The following CUX2 variants were observed in gnomAD, a reference collection of about 807,000 sequenced individuals.
CUX2 encodes homeobox protein cut-like 2.
In CUX2, 40 loss-of-function variants were observed where a neutral mutation model predicts 144.8. The ratio of observed to expected loss-of-function variants is 0.28; its 90% CI spans 0.21 to 0.36. The LOEUF (loss-of-function observed/expected upper bound fraction) is 0.36. Ranked by LOEUF, CUX2 falls within the 10% of genes least tolerant of loss-of-function variation. The pLI is 1.00. For synonymous variants in CUX2, 827 were observed against 875.6 expected (o/e 0.94, Z 0.98); for missense variants, 1,615 against 1,994.0 (o/e 0.81, Z 3.62).
At position 111,348,475 on chromosome 12, in the gene CUX2, C is replaced by T; in HGVS notation, c.*150C>T. 3 of 775,908 alleles carry T rather than the reference C, an allele frequency of 3.9e-6. No individual in the cohort carries two copies. The South Asian group carries it at 5.5e-5, about 14-fold the overall frequency. 48.1% of individuals were successfully genotyped at this position (775,908 alleles called of 1,614,324 possible). On this transcript the variant is annotated 3_prime_UTR_variant, in exon 22 of 22. Coordinates refer to ENST00000261726, the MANE Select transcript of CUX2 (RefSeq NM_015267.4). ...GCCGTTTACGTTTTTTGTTGTAATC[C>T]TAGTTCTATGAAGCTGTGTGAGCAG...
At chr12:111,291,172 CTAT>C (rs1438249590) in intron 4 of CUX2, among the ~76,000 whole-genome samples, 11 of 152,096 alleles carry the variant, frequency 7.2e-5, no homozygotes, top group Non-Finnish European at 1.3e-4. Context: ...GCCTGGCCAA[CTAT>C]TATTATTGTT....
At chr12:111,208,292 G>T (rs1277003775) in intron 1 of CUX2, among the ~76,000 whole-genome samples, 1 of 152,014 alleles carries the variant, frequency 6.6e-6, no homozygotes, top group Non-Finnish European at 1.5e-5. Flanking sequence ...AAGATTGTGG[G>T]CACAGATAGG....
At position 111,348,753 on chromosome 12, in the gene CUX2, G is replaced by A. The variant is rs544488204; in HGVS notation, c.*428G>A. ...ATCAGGATGCTGTCACAACTGTTGC[G>A]AAGTATACACTGAAGTTGTGTCGTT... On this transcript the variant is annotated 3_prime_UTR_variant, in exon 22 of 22. Transcript: ENST00000261726. 7.3e-5 allele frequency: 12 copies of A among 164,574 alleles called. No individual in the cohort carries two copies. The highest frequency in any genetic ancestry group is 1.8e-4 in the East Asian group (1 of 5,618). 10.2% of individuals were successfully genotyped at this position (164,574 alleles called of 1,614,324 possible).
intron 3 of CUX2, among the ~76,000 whole-genome samples, chr12:111,249,961 C>A (rs1051071580): frequency 6.6e-6 from 1 of 152,144 alleles, no homozygotes; most frequent in Non-Finnish European, 1.5e-5. Context: ...ACGTGAGGGG[C>A]CACTCTTTGT....
intron 1 of CUX2, among the ~76,000 whole-genome samples, chr12:111,079,444 G>A (rs894953481): frequency 2.0e-5 from 3 of 152,094 alleles, no homozygotes; most frequent in Non-Finnish European, 4.4e-5. Context: ...AGGGGCAGTC[G>A]CTTGCCTGCA....
intron 10 of CUX2, among the ~76,000 whole-genome samples, chr12:111,305,167 A>G (rs1886511686): frequency 1.3e-5 from 2 of 152,154 alleles, no homozygotes; most frequent in South Asian, 4.1e-4. Flanking sequence ...AGCAGTCTCC[A>G]TCCTGGCTCT....
chr12:111,177,343 G>C (rs75858823), intron 1 of CUX2, among the ~76,000 whole-genome samples: 1 of 151,974 alleles, frequency 6.6e-6, no homozygotes, highest in African/African-American at 2.4e-5. Context: ...AGGTACCACC[G>C]GGACCAAGGG....
intron 1 of CUX2, among the ~76,000 whole-genome samples, chr12:111,070,058 G>A (rs1053597637): frequency 3.3e-5 from 5 of 152,152 alleles, no homozygotes; most frequent in African/African-American, 1.2e-4. Context: ...GCAGAGCTTG[G>A]CTGCCTTCCC....
chr12:111,345,963 A>G (rs1275918646), intron 21 of CUX2, among the ~76,000 whole-genome samples: 1 of 145,700 alleles, frequency 6.9e-6, no homozygotes, highest in African/African-American at 2.6e-5. Context: ...TGCAAAAATT[A>G]GCATGGTGAC....
rs1435897200 is a variant in CUX2, at chr12:111,320,573, AGGGCGCGACGGCCGAGGC to A, written c.2572_2589del (p.Thr858_Ala863del). 1 of 1,528,124 alleles carries A rather than the reference AGGGCGCGACGGCCGAGGC, an allele frequency of 6.5e-7. No homozygotes were observed. The highest frequency in any genetic ancestry group is 2.0e-5 in the Admixed American group (1 of 49,156). The allele number at this position is 1,528,124 out of a possible 1,614,324, so 94.7% of individuals were successfully genotyped here. On this transcript the variant is annotated inframe_deletion, in exon 17 of 22. Transcript: ENST00000261726. The surrounding 1 kb of genome is among the most constrained non-coding windows in gnomAD (Gnocchi z 8.1). Reference sequence around the variant, plus strand: ...CCCAGGACGGGCGAGCTCAAGGCTGAGGGCGCGACGGCCGAGGCGGGCGCGCGGCTGCCCTACTACCCG... The same window carrying A: ...CCCAGGACGGGCGAGCTCAAGGCTGAGGGCGCGCGGCTGCCCTACTACCCG...
chr12:111,271,501 G>A (rs1884646854), intron 4 of CUX2, among the ~76,000 whole-genome samples: 1 of 152,294 alleles, frequency 6.6e-6, no homozygotes, highest in South Asian at 2.1e-4. Flanking sequence ...TTGTATAGCT[G>A]TATTGTAATT....
chr12:111,305,821 C>T lies in CUX2; in HGVS notation c.859-1100C>T, dbSNP rs147354492. Among the ~76,000 whole-genome samples, 229 of 152,200 alleles carry T rather than the reference C, an allele frequency of 1.5e-3. 1 individual carries two copies. The highest frequency in any genetic ancestry group is 5.0e-3 in the African/African-American group (206 of 41,514). Reference sequence around the variant, plus strand: ...TGAGAGCATGTGGCTTCTTTGAGCACGCGCATGTCTGTTGTGTGTGATGAT... The same window carrying T: ...TGAGAGCATGTGGCTTCTTTGAGCATGCGCATGTCTGTTGTGTGTGATGAT... On this transcript the variant is annotated intron_variant, in intron 10 of 21. Transcript: ENST00000261726.
chr12:111,307,397 A>C lies in CUX2; in HGVS notation c.1109+140A>C. ...CTAACACTGTGGATATCAAACCTTAACCATCCTCAGGCCAGGTGCAGTGGC... is the reference window on the plus strand; with the variant it reads ...CTAACACTGTGGATATCAAACCTTACCCATCCTCAGGCCAGGTGCAGTGGC... On this transcript the variant is annotated intron_variant, in intron 12 of 21. Coordinates refer to ENST00000261726, the MANE Select transcript of CUX2 (RefSeq NM_015267.4). The surrounding 1 kb of genome is among the most constrained non-coding windows in gnomAD (Gnocchi z 4.1). 2.6e-6 allele frequency: 2 copies of C among 762,066 alleles called. No individual in the cohort carries two copies. Among genetic ancestry groups the C allele is most frequent in the Non-Finnish European group, 4.2e-6 (2 of 474,610 alleles). 47.2% of individuals were successfully genotyped at this position (762,066 alleles called of 1,614,324 possible).
chr12:111,052,009 C>T (rs1225169263), intron 1 of CUX2, among the ~76,000 whole-genome samples: 1 of 152,038 alleles, frequency 6.6e-6, no homozygotes, highest in African/African-American at 2.4e-5. Context: ...TTTTAATGGA[C>T]ACATTATAAT....
chr12:111,334,504 G>A lies in CUX2; in HGVS notation c.2990G>A (p.Ser997Asn), dbSNP rs775276450. ...PPPSPTEPEK[S>N]SQEPLSLSLE... is the part of the protein sequence containing the mutation. The stretch of plus-strand genomic sequence containing the variant: ...CCCAGCCCCACAGAGCCTGAGAAGA[G>A]CTCCCAGGAGCCGTTGAGCCTGTCC... The change falls in exon 19 of 22, where the codon AGC becomes AAC. Residue 997 changes from serine (S) to asparagine (N), a missense_variant. By Grantham distance (46) the Ser-to-Asn change is conservative (BLOSUM62 1). Coordinates refer to ENST00000261726, the MANE Select transcript of CUX2 (RefSeq NM_015267.4). 6.2e-7 allele frequency: 1 copy of A among 1,613,002 alleles called. No individual in the cohort carries two copies. Among genetic ancestry groups the A allele is most frequent in the Non-Finnish European group, 8.5e-7 (1 of 1,179,444 alleles).
In CUX2 at chr12:111,328,972, T is replaced by TCTCTCTCTCTCTCTCTCTCC. The variant is rs1198113973; in HGVS notation, c.2927-5466_2927-5465insTCTCTCTCTCTCTCTCCCTC. Among the ~76,000 whole-genome samples, 119 of 80,016 alleles carry TCTCTCTCTCTCTCTCTCTCC rather than the reference T, an allele frequency of 1.5e-3. 3 individuals are homozygous for TCTCTCTCTCTCTCTCTCTCC. In the East Asian group the frequency reaches 0.024, roughly 16 times the overall value. The allele number at this position is 80,016 out of a possible 152,430, so 52.5% of individuals were successfully genotyped here. ...CTCTCTCTCTCTCTCTCTCTCTCTCTCTCCCCCTCTCTCCCTCTCTCCCTC... is the reference window on the plus strand; with the variant it reads ...CTCTCTCTCTCTCTCTCTCTCTCTCTCTCTCTCTCTCTCTCTCTCCCTCCCCCTCTCTCCCTCTCTCCCTC... On this transcript the variant is annotated intron_variant, in intron 18 of 21. Transcript: ENST00000261726.
rs544797500 is a variant in CUX2, at chr12:111,230,505, T to C, written c.222+12568T>C. Among the ~76,000 whole-genome samples the C allele has an allele frequency of 4.7e-4, 72 of 152,222 alleles. 3 individuals carry two copies. Among genetic ancestry groups the C allele is most frequent in the Admixed American group, 4.3e-3 (65 of 15,292 alleles). On this transcript the variant is annotated intron_variant, in intron 3 of 21. Coordinates refer to ENST00000261726, the MANE Select transcript of CUX2 (RefSeq NM_015267.4). ...AGGTCCCCTGGTGATTATGGGCACA[T>C]GAAAGTTTGAGACACTCGACCTCAG...
rs34282526 is a variant in CUX2 at position 111,170,545 on chromosome 12, C to CTTTTT, written c.64-43633_64-43629dup. ...AGCTGGATGCACACCCCCAGCTCTTCTTTTTTTTTTTTTTTTTTTTTTTTT... is the reference window on the plus strand; with the variant it reads ...AGCTGGATGCACACCCCCAGCTCTTCTTTTTTTTTTTTTTTTTTTTTTTTTTTTTT... On this transcript the variant is annotated intron_variant, in intron 1 of 21. Coordinates refer to ENST00000261726, the MANE Select transcript of CUX2 (RefSeq NM_015267.4). Among the ~76,000 whole-genome samples the CTTTTT allele has an allele frequency of 6.3e-5, 5 of 79,938 alleles. 1 individual carries two copies. The highest frequency in any genetic ancestry group is 2.3e-4 in the African/African-American group (4 of 17,140). 52.4% of individuals were successfully genotyped at this position (79,938 alleles called of 152,430 possible).
intron 1 of CUX2, among the ~76,000 whole-genome samples, chr12:111,129,266 T>C (rs566441437): frequency 6.6e-6 from 1 of 152,370 alleles, no homozygotes; most frequent in South Asian, 2.1e-4. Context: ...ATAAGTGTCA[T>C]GGGCTAGGGT....
Sources: allele counts gnomAD v4.1 joint callset (sites outside exome capture counted in the v4.1 genomes callset), GRCh38; gene constraint gnomAD v4.1.1; non-coding constraint Gnocchi (gnomAD v3.1); transcripts MANE v1.5; gene names NCBI Gene and HGNC (gene_info 2026-07-23, HGNC 2026-07-21).